The following MAST4 variants were observed in gnomAD, a reference collection of about 807,000 sequenced individuals.
The protein encoded by MAST4 is microtubule-associated serine/threonine-protein kinase 4.
In MAST4, 89 loss-of-function variants were observed where a neutral mutation model predicts 162.7. That is an observed-to-expected ratio of 0.55 (90% confidence interval 0.46 to 0.65). The LOEUF is 0.65. Ranked by LOEUF, MAST4 falls within the 30% of genes least tolerant of loss-of-function variation. MAST4 has a pLI of 0.00. For missense variants in MAST4, 3,153 were observed against 3,374.0 expected, an observed-to-expected ratio of 0.93 and a Z score of 1.62; for synonymous variants, 1,479 against 1,361.1, an observed-to-expected ratio of 1.09 and a Z score of -1.91.
At chr5:67,160,217 T>A (rs1009296269) in intron 26 of MAST4, among the ~76,000 whole-genome samples, 2 of 152,198 alleles carry the variant, frequency 1.3e-5, no homozygotes, top group African/African-American at 4.8e-5. Context: ...GCACAGTGCT[T>A]GGATTTGAAC....
intron 1 of MAST4, among the ~76,000 whole-genome samples, chr5:66,735,187 C>G (rs879583731): frequency 1.3e-5 from 2 of 152,100 alleles, no homozygotes; most frequent in Admixed American, 6.5e-5. Flanking sequence ...TTATTTAAAC[C>G]ATTGAAACTA....
At chr5:66,650,906 C>T (rs527691513) in intron 1 of MAST4, among the ~76,000 whole-genome samples, 5 of 152,332 alleles carry the variant, frequency 3.3e-5, no homozygotes, top group Non-Finnish European at 5.9e-5. Context: ...AAACAAGTCT[C>T]ATGGCAGAGC....
chr5:67,160,941 T>C (rs183690768), intron 27 of MAST4, among the ~76,000 whole-genome samples: 171 of 152,358 alleles, frequency 1.1e-3, no homozygotes, highest in African/African-American at 4.1e-3. Context: ...ACATTTAAAA[T>C]GTCCTTTACG....
Position 67,165,786 on chromosome 5 carries a change from C to T in MAST4, c.6607C>T (p.Pro2203Ser). 1.9e-6 allele frequency: 3 copies of T among 1,607,754 alleles called. No homozygotes were observed. Among genetic ancestry groups the T allele is most frequent in the Non-Finnish European group, 2.5e-6 (3 of 1,177,420 alleles). The part of the protein sequence containing the change: ...KPRPGPDPGP[P>S]KTKHPDRSLS... ...CCGGCCTGGCCCTGACCCGGGCCCT[C>T]CAAAGACTAAGCACCCCGACCGGTC... The change falls in exon 29 of 29, where the codon CCA (proline) becomes TCA (serine). Residue 2203 changes from proline to serine, a missense_variant. Transcript: ENST00000403625.
Position 67,166,976 on chromosome 5 carries a change from T to G in MAST4, c.7797T>G (p.Asn2599Lys). ...PNTDRPISLSNEKDFVVRQRR... is the reference protein window; with the variant it reads ...PNTDRPISLSKEKDFVVRQRR... The stretch of plus-strand genomic sequence containing the variant: ...CTGACCGCCCCATCTCTCTTTCTAA[T>G]GAGAAGGACTTTGTGGTACGGCAGA... The change falls in exon 29 of 29, where the codon AAT (asparagine) becomes AAG (lysine). Residue 2599 changes from asparagine (N) to lysine (K), a missense_variant. Physicochemically the swap from Asn to Lys is moderately conservative, Grantham distance 94. This residue lies in a region of MAST4 where 1,644 missense variants were observed against 1,495.0 expected (regional missense o/e 1.10). Coordinates refer to ENST00000403625, the MANE Select transcript of MAST4 (RefSeq NM_001164664.2). The G allele has an allele frequency of 6.2e-7, 1 of 1,612,498 alleles. No homozygotes were observed. The highest frequency in any genetic ancestry group is 1.1e-5 in the South Asian group (1 of 90,924).
chr5:66,893,810 A>G (rs915271377), intron 3 of MAST4, among the ~76,000 whole-genome samples: 2 of 152,114 alleles, frequency 1.3e-5, no homozygotes, highest in African/African-American at 2.4e-5. Context: ...GGATTTTTCA[A>G]TTGTTGTTAG....
Position 66,893,341 on chromosome 5 carries a change from G to A in MAST4, c.643-6610G>A, listed in dbSNP as rs1762476808. On this transcript the variant is annotated intron_variant, in intron 3 of 28. Transcript: ENST00000403625. ...CTGCCTCAGCCTCCTGAGTAGCTGG[G>A]ACCACAGGCACGTGCCACCACGCCC... Among the ~76,000 whole-genome samples the A allele has an allele frequency of 2.6e-5, 4 of 152,120 alleles. 1 individual carries two copies. The South Asian group carries it at 8.3e-4, about 32-fold the overall frequency.
Position 67,165,380 on chromosome 5 carries a change from C to T in MAST4, c.6201C>T (p.Pro2067=). ...DNSSLHSAGI[P]CEKELGKVRR... ...CCTCTCTGCACTCAGCTGGAATTCC[C>T]TGTGAGAAGGAGCTGGGCAAGGTGA... Residue 2067 remains proline, a synonymous_variant, in exon 29 of 29, where the codon CCC becomes CCT. Coordinates refer to ENST00000403625, the MANE Select transcript of MAST4 (RefSeq NM_001164664.2). 1 of 1,613,758 alleles carries T rather than the reference C, an allele frequency of 6.2e-7. No homozygotes were observed. The highest frequency in any genetic ancestry group is 8.5e-7 in the Non-Finnish European group (1 of 1,179,836).
At chr5:66,663,281 T>C (rs564930912) in intron 1 of MAST4, among the ~76,000 whole-genome samples, 1 of 152,350 alleles carries the variant, frequency 6.6e-6, no homozygotes, top group Non-Finnish European at 1.5e-5. Flanking sequence ...TCCTTTGTGA[T>C]ACATTTATTT....
chr5:66,891,154 T>C (rs183135033), intron 3 of MAST4, among the ~76,000 whole-genome samples: 3 of 152,332 alleles, frequency 2.0e-5, no homozygotes, highest in African/African-American at 7.2e-5. Context: ...CACTTTCAGA[T>C]TTGCATTTTG....
At chr5:67,032,226 A>G (rs145559697) in intron 4 of MAST4, among the ~76,000 whole-genome samples, 11 of 152,238 alleles carry the variant, frequency 7.2e-5, no homozygotes, top group Middle Eastern at 3.4e-3. Context: ...CTGACCCACA[A>G]TCTCTGCTTT....
chr5:66,751,024 C>CT (rs1461757617), intron 1 of MAST4, among the ~76,000 whole-genome samples: 1 of 152,092 alleles, frequency 6.6e-6, no homozygotes, highest in Non-Finnish European at 1.5e-5. Flanking sequence ...AGGCACCCCC[C>CT]AGCAGGGGCA....
intron 9 of MAST4, 150 bp downstream of exon 9, chr5:67,102,761 T>G (rs1371377072): frequency 1.5e-6 from 1 of 658,560 alleles, no homozygotes; most frequent in Non-Finnish European, 2.7e-6. Context: ...AAAGAGAAAA[T>G]AACTAAAAAA....
intron 4 of MAST4, among the ~76,000 whole-genome samples, chr5:66,963,285 G>A (rs11951099): frequency 0.066 from 9,979 of 152,196 alleles, 384 homozygotes; most frequent in Middle Eastern, 0.11. Flanking sequence ...GCTTAAAAAC[G>A]CATCTTCCTA....
At position 67,169,143 on chromosome 5, in the gene MAST4, C is replaced by A. The variant is rs1349004935; in HGVS notation, c.*2092C>A. On this transcript the variant is annotated 3_prime_UTR_variant, in exon 29 of 29. Coordinates refer to ENST00000403625, the MANE Select transcript of MAST4 (RefSeq NM_001164664.2). The stretch of plus-strand genomic sequence containing the variant: ...GGACAAGTCTGTCGGGGAGGTAGTT[C>A]ATGGTTTACAAGCCTTTGCTTTTTA... 1 of 152,214 alleles carries A rather than the reference C, an allele frequency of 6.6e-6. No individual in the cohort carries two copies. The highest frequency in any genetic ancestry group is 6.5e-5 in the Admixed American group (1 of 15,288). The allele number at this position is 152,214 out of a possible 1,614,324, so 9.4% of individuals were successfully genotyped here. A position where few individuals can be genotyped will look rare whatever the true frequency, so the allele number is the denominator to read the frequency against.
rs569000895 is a variant in MAST4 at position 66,988,306 on chromosome 5, G to A, written c.675-66098G>A. On this transcript the variant is annotated intron_variant, in intron 4 of 28. Coordinates refer to ENST00000403625, the MANE Select transcript of MAST4 (RefSeq NM_001164664.2). ...AGAGAAAAAACTTTGGGAAGGAAAAGGTAGAATTAAGGATATTGGACCAGG... is the reference window on the plus strand; with the variant it reads ...AGAGAAAAAACTTTGGGAAGGAAAAAGTAGAATTAAGGATATTGGACCAGG... 8.0e-4 allele frequency among the ~76,000 whole-genome samples: 122 copies of A among 152,268 alleles called. 1 individual carries two copies. Among genetic ancestry groups the A allele is most frequent in the African/African-American group, 2.6e-3 (110 of 41,560 alleles).
At chr5:67,102,498 TG>T in intron 8 of MAST4, 37 bp from the exon 9 acceptor site, 1 of 1,570,234 alleles carries the variant, frequency 6.4e-7, no homozygotes, top group African/African-American at 1.3e-5. Context: ...CATTTCATGC[TG>T]TGGCAAGTTT....
chr5:66,628,633 T>C (rs1744601166), intron 1 of MAST4, among the ~76,000 whole-genome samples: 1 of 151,720 alleles, frequency 6.6e-6, no homozygotes, highest in African/African-American at 2.4e-5. Context: ...AAATTAAAGG[T>C]AGAGGGGCGG....
At chr5:66,931,207 C>T (rs1400005857) in intron 4 of MAST4, among the ~76,000 whole-genome samples, 2 of 152,094 alleles carry the variant, frequency 1.3e-5, no homozygotes, top group African/African-American at 4.8e-5. Context: ...TTTATACTTA[C>T]CGAAGTATAT....
Sources: gnomAD v4.1 joint callset for allele counts (sites outside exome capture counted in the v4.1 genomes callset) on GRCh38, gnomAD v4.1.1 for gene constraint, gnomAD v4.1.1 regional missense constraint, MANE v1.5 for transcripts, NCBI Gene and HGNC (gene_info 2026-07-23, HGNC 2026-07-21) for gene names.